Variants in TDRD1 observed in about 807,000 individuals in gnomAD.
TDRD1 encodes tudor domain-containing protein 1.
TDRD1 carries 37 observed loss-of-function variants against 140.6 expected under a neutral mutation model. The observed-to-expected ratio is 0.26, with a 90% CI of 0.20 to 0.35. The LOEUF (loss-of-function observed/expected upper bound fraction) is 0.35, where lower values mean the gene tolerates loss of function less well. TDRD1 is among the 10% of genes least tolerant of loss of function. The pLI is 1.00. For missense variants in TDRD1, 1,243 were observed against 1,393.0 expected, an observed-to-expected ratio of 0.89 and a Z score of 1.71; for synonymous variants, 506 against 475.7, an observed-to-expected ratio of 1.06 and a Z score of -0.83.
rs2034322858 is a variant in TDRD1 at position 114,196,049 on chromosome 10, C to CA, written c.385-3123dup. On this transcript the variant is annotated intron_variant, in intron 3 of 25. Coordinates refer to ENST00000251864, the Ensembl canonical transcript of TDRD1. ...CATTTACGTCTTACATATTCTATCT[C>CA]AGATTTAGAACGCCTTCAGACAGTT... is the stretch of plus-strand genomic sequence containing the variant. Among the ~76,000 whole-genome samples, 2 of 152,220 alleles carry CA rather than the reference C, an allele frequency of 1.3e-5. 1 individual carries two copies. The highest frequency in any genetic ancestry group is 4.1e-4 in the South Asian group (2 of 4,826).
At chr10:114,208,657 C>G (rs556774869) in intron 11 of TDRD1, among the ~76,000 whole-genome samples, 5 of 152,298 alleles carry the variant, frequency 3.3e-5, no homozygotes, top group African/African-American at 1.2e-4. Context: ...TCTTCTGTCT[C>G]CTACAAGATT....
At chr10:114,200,240 GCT>G (rs1343888394) in intron 4 of TDRD1, among the ~76,000 whole-genome samples, 5 of 152,162 alleles carry the variant, frequency 3.3e-5, no homozygotes, top group African/African-American at 9.7e-5. Context: ...AATTTGCAGT[GCT>G]CTCGTGATCA....
At chr10:114,194,809 A>T (rs1589668877) in intron 3 of TDRD1, among the ~76,000 whole-genome samples, 1 of 140,038 alleles carries the variant, frequency 7.1e-6, no homozygotes. Flanking sequence ...TCCAGGCTGG[A>T]GTGTAGTGGC....
chr10:114,206,768 C>T (rs1432622275), intron 11 of TDRD1, among the ~76,000 whole-genome samples: 1 of 152,076 alleles, frequency 6.6e-6, no homozygotes, highest in African/African-American at 2.4e-5. Context: ...CTCCCGCTAG[C>T]ACGCCCAGCT....
At chr10:114,192,121 C>T (rs535109453) in intron 3 of TDRD1, among the ~76,000 whole-genome samples, 12 of 151,008 alleles carry the variant, frequency 7.9e-5, no homozygotes, top group Non-Finnish European at 1.8e-4. Flanking sequence ...TTGTCAAGTA[C>T]GTGATTTGCC....
intron 3 of TDRD1, among the ~76,000 whole-genome samples, chr10:114,196,928 C>T (rs1431607709): frequency 1.5e-5 from 2 of 129,188 alleles, no homozygotes; most frequent in Admixed American, 1.7e-4. Flanking sequence ...CTCACTGCAA[C>T]CTCTGCCTCC....
chr10:114,216,169 C>T (rs760031270), intron 16 of TDRD1, among the ~76,000 whole-genome samples: 1 of 152,146 alleles, frequency 6.6e-6, no homozygotes. Context: ...ACAAAGAGAC[C>T]AACAGTGGTA....
chr10:114,187,743 A>G, intron 1 of TDRD1, 83 bp from the exon 2 acceptor site: 1 of 1,195,426 alleles, frequency 8.4e-7, no homozygotes, highest in Non-Finnish European at 1.2e-6. Context: ...ACGTAAATAT[A>G]TTTGGGAGAA....
At chr10:114,210,513 C>T (rs553862064) in intron 11 of TDRD1, 68 bp from the exon 12 acceptor site, 38 of 1,421,284 alleles carry the variant, frequency 2.7e-5, no homozygotes, top group African/African-American at 1.9e-4. Context: ...ATGATTAAAG[C>T]GTGCATAATT....
In TDRD1 at chr10:114,204,552, C is replaced by T. The variant is rs202108253; in HGVS notation, c.1126-170C>T. On this transcript the variant is annotated intron_variant, in intron 9 of 25. Transcript: ENST00000251864. ...GTACCAAAAGTAAGCGTTATGAATA[C>T]AGTACTAACAGAGGCTAATAATAAT... Among the ~76,000 whole-genome samples, 5 of 152,120 alleles carry T rather than the reference C, an allele frequency of 3.3e-5. No individual in the cohort carries two copies. The East Asian group carries it at 7.7e-4, about 23-fold the overall frequency.
chr10:114,207,974 G>A (rs1296255302), intron 11 of TDRD1, among the ~76,000 whole-genome samples: 1 of 152,048 alleles, frequency 6.6e-6, no homozygotes, highest in Non-Finnish European at 1.5e-5. Flanking sequence ...GCAGGTGGGA[G>A]GGTACCTAAG....
At chr10:114,231,543 T>C (rs1358736205) in exon 26 of TDRD1, 2 of 1,574,016 alleles carry the variant, frequency 1.3e-6, no homozygotes, top group Non-Finnish European at 1.7e-6. Context: ...AGGCTAGCTT[T>C]AGGAGAGAAA....
chr10:114,223,996 C>A (rs760722333), intron 21 of TDRD1, among the ~76,000 whole-genome samples: 1 of 152,198 alleles, frequency 6.6e-6, no homozygotes, highest in East Asian at 1.9e-4. Context: ...TTCTGCCCCC[C>A]ACACTGTGTT....
At chr10:114,193,289 CTTTTTTTTTTTT>C (rs1170053036) in intron 3 of TDRD1, among the ~76,000 whole-genome samples, 1 of 83,684 alleles carries the variant, frequency 1.2e-5, no homozygotes, top group Non-Finnish European at 2.3e-5. Context: ...TTGCTGAAGT[CTTTTTTTTTTTT>C]TTTTTTTTTT....
chr10:114,213,597 A>G lies in TDRD1; in HGVS notation c.2074+9A>G, dbSNP rs777908853. 9.9e-6 allele frequency: 16 copies of G among 1,612,280 alleles called. No individual in the cohort carries two copies. Among genetic ancestry groups the G allele is most frequent in the Admixed American group, 6.7e-5 (4 of 59,972 alleles). ...CGTGAAAGAAACCAGTGGTAAGTCAAATGTTTACTGGATAATGCCTGTTCT... is the reference window on the plus strand; with the variant it reads ...CGTGAAAGAAACCAGTGGTAAGTCAGATGTTTACTGGATAATGCCTGTTCT... On this transcript the variant is annotated intron_variant, in intron 15 of 25. Coordinates refer to ENST00000251864, the Ensembl canonical transcript of TDRD1.
intron 3 of TDRD1, among the ~76,000 whole-genome samples, chr10:114,192,376 T>C (rs988897035): frequency 7.2e-6 from 1 of 139,164 alleles, no homozygotes; most frequent in Non-Finnish European, 1.5e-5. Context: ...CGATCTCGGC[T>C]CACTGCAACC....
rs1358070906 is a variant in TDRD1, at chr10:114,206,235, A to G, written c.1298-9A>G. On this transcript the variant is annotated splice_polypyrimidine_tract_variant and intron_variant, in intron 10 of 25. Coordinates refer to ENST00000251864, the Ensembl canonical transcript of TDRD1. ...TCAATGGAGGCATATTTTCTTAATCACTTTTTAGGAAAACTTTTAGACCAT... is the reference window on the plus strand; with the variant it reads ...TCAATGGAGGCATATTTTCTTAATCGCTTTTTAGGAAAACTTTTAGACCAT... The G allele has an allele frequency of 6.2e-7, 1 of 1,607,010 alleles. No individual in the cohort carries two copies. Among genetic ancestry groups the G allele is most frequent in the South Asian group, 1.1e-5 (1 of 90,378 alleles).
chr10:114,194,645 T>A (rs1564938787), intron 3 of TDRD1, among the ~76,000 whole-genome samples: 3 of 152,026 alleles, frequency 2.0e-5, no homozygotes, highest in African/African-American at 4.8e-5. Flanking sequence ...TCCTGTTTTT[T>A]AAATTAATTG....
chr10:114,216,716 G>A (rs1371497086), intron 16 of TDRD1, among the ~76,000 whole-genome samples: 2 of 152,210 alleles, frequency 1.3e-5, no homozygotes, highest in Non-Finnish European at 2.9e-5. Flanking sequence ...TTGAGAGCTA[G>A]TGTTCTTCAG....
Sources: gnomAD v4.1 joint callset for allele counts (sites outside exome capture counted in the v4.1 genomes callset) on GRCh38, gnomAD v4.1.1 for gene constraint, MANE v1.5 for transcripts, NCBI Gene and HGNC (gene_info 2026-07-23, HGNC 2026-07-21) for gene names.